The following DIS3L2 variants were observed in gnomAD, a reference collection of about 807,000 sequenced individuals.
DIS3L2 encodes DIS3-like exonuclease 2.
A neutral mutation model predicts 97.5 loss-of-function variants in DIS3L2; 34 were observed. The ratio of observed to expected loss-of-function variants is 0.35; its 90% CI spans 0.27 to 0.46. The LOEUF is 0.46. Among genes scored for constraint, DIS3L2 ranks in the 20% least tolerant of loss-of-function variants. The probability of loss-of-function intolerance (pLI) is 1.00; values close to 1 mark genes in which losing one functional copy is unlikely to be tolerated. For synonymous variants in DIS3L2, 435 were observed against 445.2 expected, an observed-to-expected ratio of 0.98 and a Z score of 0.29; for missense variants, 1,038 against 1,146.0, an observed-to-expected ratio of 0.91 and a Z score of 1.36.
rs1017102302 is a variant in DIS3L2, at chr2:232,214,134, G to A, written c.1204+3729G>A. Among the ~76,000 whole-genome samples the A allele has an allele frequency of 2.0e-5, 3 of 152,168 alleles. No individual in the cohort carries two copies. In the East Asian group the frequency reaches 5.8e-4, roughly 29 times the overall value. On this transcript the variant is annotated intron_variant, in intron 10 of 20. Coordinates refer to ENST00000325385, the MANE Select transcript of DIS3L2 (RefSeq NM_152383.5). ...CGTTATAGTGATAACCCAGAATCTG[G>A]AGACAGTAAATCGTGTGCCTCAGTG...
chr2:232,091,672 G>A (rs1326153496), intron 6 of DIS3L2, among the ~76,000 whole-genome samples: 1 of 152,148 alleles, frequency 6.6e-6, no homozygotes, highest in Non-Finnish European at 1.5e-5. Context: ...TATGTACATA[G>A]GAGTGGGATT....
chr2:232,124,659 CA>C (rs1279769088), intron 6 of DIS3L2, among the ~76,000 whole-genome samples: 2 of 151,982 alleles, frequency 1.3e-5, no homozygotes, highest in Non-Finnish European at 2.9e-5. Flanking sequence ...AGAAAATGGG[CA>C]AAGGTGAAAT....
chr2:232,115,691 T>C (rs1193416730), intron 6 of DIS3L2, among the ~76,000 whole-genome samples: 1 of 152,190 alleles, frequency 6.6e-6, no homozygotes, highest in Non-Finnish European at 1.5e-5. Context: ...CTGATGATTC[T>C]ATAAGTGGAA....
intron 10 of DIS3L2, among the ~76,000 whole-genome samples, chr2:232,211,635 A>G (rs1383531823): frequency 6.6e-6 from 1 of 152,234 alleles, no homozygotes; most frequent in Non-Finnish European, 1.5e-5. Context: ...TCTGCCACCA[A>G]GCGTTGATGG....
At position 232,129,510 on chromosome 2, in the gene DIS3L2, G is replaced by A. The variant is rs1410955321; in HGVS notation, c.602-1109G>A. 2.0e-5 allele frequency among the ~76,000 whole-genome samples: 3 copies of A among 152,196 alleles called. No individual in the cohort carries two copies. In the East Asian group the frequency reaches 5.8e-4, roughly 29 times the overall value. On this transcript the variant is annotated intron_variant, in intron 6 of 20. Transcript: ENST00000325385. ...GGCAATCTACGATAGGAAAGTTTGT[G>A]TTTGCTTTTACTTTTTGGAAAACAA... is the stretch of plus-strand genomic sequence containing the variant.
At chr2:232,323,996 C>T (rs1378015707) in intron 14 of DIS3L2, among the ~76,000 whole-genome samples, 4 of 152,196 alleles carry the variant, frequency 2.6e-5, no homozygotes, top group Non-Finnish European at 5.9e-5. Context: ...TCCCCAGCAG[C>T]CTGCAATTCA....
chr2:232,182,446 A>G (rs1171258514), intron 9 of DIS3L2, among the ~76,000 whole-genome samples: 1 of 152,114 alleles, frequency 6.6e-6, no homozygotes, highest in East Asian at 1.9e-4. Context: ...ATTGATTTAT[A>G]GTTTTGTTTA....
At chr2:232,119,738 T>C (rs1274316090) in intron 6 of DIS3L2, among the ~76,000 whole-genome samples, 1 of 152,168 alleles carries the variant, frequency 6.6e-6, no homozygotes, top group East Asian at 1.9e-4. Flanking sequence ...GAGAAGACCC[T>C]GTGAGGGACT....
chr2:232,032,920 A>G (rs1694852524), intron 5 of DIS3L2, among the ~76,000 whole-genome samples: 1 of 152,188 alleles, frequency 6.6e-6, no homozygotes. Context: ...GAAGTCAGGT[A>G]GCGTGATGCC....
chr2:232,116,770 T>C (rs1226494461), intron 6 of DIS3L2, among the ~76,000 whole-genome samples: 1 of 152,160 alleles, frequency 6.6e-6, no homozygotes, highest in African/African-American at 2.4e-5. Flanking sequence ...TTTAACATTT[T>C]ACAATTGAAA....
chr2:232,299,465 A>G (rs1453128417), intron 13 of DIS3L2, among the ~76,000 whole-genome samples: 1 of 152,306 alleles, frequency 6.6e-6, no homozygotes, highest in South Asian at 2.1e-4. Context: ...TTCACCAGCC[A>G]TCCTGCAGCT....
intron 13 of DIS3L2, among the ~76,000 whole-genome samples, chr2:232,286,095 T>G (rs1294259226): frequency 1.3e-5 from 2 of 152,134 alleles, no homozygotes; most frequent in Non-Finnish European, 2.9e-5. Context: ...CAGGCAGAGA[T>G]TAATGGACAA....
At chr2:232,011,929 G>A (rs1318627419) in intron 1 of DIS3L2, among the ~76,000 whole-genome samples, 1 of 152,236 alleles carries the variant, frequency 6.6e-6, no homozygotes, top group African/African-American at 2.4e-5. Context: ...AGGACTACAG[G>A]CGTGAGCCAC....
chr2:232,333,922 A>G lies in DIS3L2; in HGVS notation c.2093A>G (p.His698Arg). ...GCGCTCAATGTGCCCCTGTACACAC[A>G]CTTCACCTCGCCCATCCGCCGCTTT... is the stretch of plus-strand genomic sequence containing the variant. Reference protein sequence around the residue: ...HYALNVPLYTHFTSPIRRFAD... With the variant: ...HYALNVPLYTRFTSPIRRFAD... Residue 698 changes from histidine to arginine, a missense_variant, in exon 17 of 21, where the codon CAC (histidine) becomes CGC (arginine). Around this residue, in one of 3 missense-constraint regions of DIS3L2, gnomAD observed 4 missense variants for 19.0 expected, o/e 0.21. Transcript: ENST00000325385. The G allele has an allele frequency of 6.2e-7, 1 of 1,612,742 alleles. No individual in the cohort carries two copies. The highest frequency in any genetic ancestry group is 8.5e-7 in the Non-Finnish European group (1 of 1,179,886).
chr2:232,062,311 T>G (rs1695734972), intron 5 of DIS3L2, among the ~76,000 whole-genome samples: 1 of 152,154 alleles, frequency 6.6e-6, no homozygotes, highest in East Asian at 1.9e-4. Flanking sequence ...GAAGTGATAG[T>G]AGGCCTCTTG....
intron 4 of DIS3L2, 126 bp from the exon 5 acceptor site, chr2:232,029,853 T>A (rs1694754855): frequency 1.5e-6 from 1 of 667,772 alleles, no homozygotes; most frequent in Admixed American, 3.1e-5. Flanking sequence ...ATGCTTTATT[T>A]AATACGAAAA....
In DIS3L2 at chr2:232,192,024, G is replaced by A. The variant is rs537909405; in HGVS notation, c.1125-18302G>A. On this transcript the variant is annotated intron_variant, in intron 9 of 20. Transcript: ENST00000325385. The stretch of plus-strand genomic sequence containing the variant: ...TACCCTAGTGTTTGTTATATACCAG[G>A]GGTCACACTAAGAGAAAAATCAGTT... Among the ~76,000 whole-genome samples, 217 of 152,114 alleles carry A rather than the reference G, an allele frequency of 1.4e-3. 4 individuals carry two copies. Among genetic ancestry groups the A allele is most frequent in the South Asian group, 0.013 (63 of 4,820 alleles).
chr2:232,024,793 G>A (rs1574820265), intron 4 of DIS3L2, among the ~76,000 whole-genome samples: 1 of 151,250 alleles, frequency 6.6e-6, no homozygotes, highest in East Asian at 1.9e-4. Flanking sequence ...CTTCACTTTC[G>A]TGCAGGTGAT....
At chr2:232,302,117 C>T (rs1305198282) in intron 14 of DIS3L2, among the ~76,000 whole-genome samples, 2 of 151,236 alleles carry the variant, frequency 1.3e-5, no homozygotes, top group African/African-American at 2.4e-5. Flanking sequence ...TGTAGGAAAT[C>T]AGATAGGAGC....
Sources: allele counts gnomAD v4.1 joint callset (sites outside exome capture counted in the v4.1 genomes callset), GRCh38; gene constraint gnomAD v4.1.1; regional missense constraint gnomAD v4.1.1; transcripts MANE v1.5; gene names NCBI Gene and HGNC (gene_info 2026-07-23, HGNC 2026-07-21).